The following CFAP206 variants were observed in gnomAD, a reference collection of about 807,000 sequenced individuals.
CFAP206 encodes the protein cilia and flagella associated protein 206.
In CFAP206, 53 loss-of-function variants were observed where a neutral mutation model predicts 65.4. The ratio of observed to expected loss-of-function variants is 0.81; its 90% CI spans 0.65 to 1.02. The LOEUF is 1.02. CFAP206 is among the 50% of genes least tolerant of loss of function. The probability of loss-of-function intolerance (pLI) is 0.00; values close to 1 mark genes in which losing one functional copy is unlikely to be tolerated. For synonymous variants in CFAP206, 250 were observed against 254.4 expected (o/e 0.98, Z 0.17); for missense variants, 663 against 753.2 (o/e 0.88, Z 1.40).
intron 7 of CFAP206, 34 bp from the exon 8 acceptor site, chr6:87,426,491 TA>T: frequency 6.8e-7 from 1 of 1,470,190 alleles, no homozygotes; most frequent in Non-Finnish European, 9.2e-7. Context: ...AGTAGAATTA[TA>T]AAAATATTAA....
At chr6:87,445,233 C>T (rs1226065077) in intron 11 of CFAP206, 1 of 271,218 alleles carries the variant, frequency 3.7e-6, no homozygotes, top group East Asian at 1.1e-4. Context: ...TTCCAGGATA[C>T]ATGTGCAGGA....
rs767217835 is a variant in CFAP206, at chr6:87,409,819, T to A, written c.-5-16T>A. On this transcript the variant is annotated splice_polypyrimidine_tract_variant and intron_variant, in intron 1 of 12. Coordinates refer to ENST00000369562, the MANE Select transcript of CFAP206 (RefSeq NM_001031743.3). ...AAAACCACGGTTTTTTTAAAAAAAA[T>A]TGTTGTTTTATTTAGCCAGAATGCC... The A allele has an allele frequency of 7.8e-6, 12 of 1,536,790 alleles. No homozygotes were observed. Among genetic ancestry groups the A allele is most frequent in the Admixed American group, 1.9e-5 (1 of 52,000 alleles).
chr6:87,416,560 A>G (rs973726469), intron 5 of CFAP206, 109 bp from the exon 6 acceptor site: 3 of 923,744 alleles, frequency 3.2e-6, no homozygotes, highest in Non-Finnish European at 4.7e-6. Flanking sequence ...AAAGAATCAT[A>G]TAAGTAACTC....
intron 11 of CFAP206, chr6:87,445,269 T>C: frequency 4.2e-6 from 1 of 240,804 alleles, no homozygotes; most frequent in South Asian, 4.9e-5. Context: ...CACAGGTAAA[T>C]GTGTGCTGAG....
At chr6:87,408,835 T>G (rs933835221) in intron 1 of CFAP206, 5 of 152,302 alleles carry the variant, frequency 3.3e-5, no homozygotes, top group Admixed American at 1.3e-4. Flanking sequence ...CTGGTTTCAC[T>G]GGACAAAATG....
At chr6:87,458,739 G>GGC (rs1473207391) in intron 11 of CFAP206, among the ~76,000 whole-genome samples, 2 of 152,080 alleles carry the variant, frequency 1.3e-5, no homozygotes, top group Non-Finnish European at 1.5e-5. Flanking sequence ...GTAAGATCTA[G>GGC]TATTTTATAG....
chr6:87,429,506 A>G (rs1185014899), intron 9 of CFAP206, among the ~76,000 whole-genome samples: 1 of 152,162 alleles, frequency 6.6e-6, no homozygotes, highest in African/African-American at 2.4e-5. Flanking sequence ...CCTCAGATTC[A>G]AGTTGGGAAT....
chr6:87,434,821 A>G, intron 10 of CFAP206, 39 bp from the exon 11 acceptor site: 4 of 1,112,242 alleles, frequency 3.6e-6, no homozygotes, highest in Non-Finnish European at 5.1e-6. Flanking sequence ...TTCATAAGTG[A>G]TCAAGACATT....
intron 9 of CFAP206, among the ~76,000 whole-genome samples, chr6:87,430,637 C>T (rs1336520060): frequency 2.0e-5 from 3 of 152,176 alleles, no homozygotes; most frequent in Non-Finnish European, 2.9e-5. Flanking sequence ...GGTCACATAG[C>T]AGCCAGTCTA....
At chr6:87,432,260 G>C (rs904212689) in intron 10 of CFAP206, among the ~76,000 whole-genome samples, 2 of 151,900 alleles carry the variant, frequency 1.3e-5, no homozygotes, top group Non-Finnish European at 2.9e-5. Context: ...ACACACAATT[G>C]GCTCATTTAA....
At chr6:87,460,205 T>C (rs1260892483) in intron 11 of CFAP206, among the ~76,000 whole-genome samples, 2 of 152,214 alleles carry the variant, frequency 1.3e-5, no homozygotes, top group East Asian at 3.8e-4. Context: ...AACAATGTCA[T>C]GTCCAGCACC....
chr6:87,432,445 C>T (rs554672552), intron 10 of CFAP206, among the ~76,000 whole-genome samples: 2 of 152,200 alleles, frequency 1.3e-5, no homozygotes, highest in South Asian at 4.2e-4. Flanking sequence ...CTCCTCCCTC[C>T]CTCTCTCCCT....
chr6:87,431,403 T>C lies in CFAP206; in HGVS notation c.1300+230T>C, dbSNP rs138668612. Among the ~76,000 whole-genome samples the C allele has an allele frequency of 2.6e-3, 401 of 152,322 alleles. 1 individual carries two copies. The highest frequency in any genetic ancestry group is 9.2e-3 in the African/African-American group (382 of 41,566). On this transcript the variant is annotated intron_variant, in intron 10 of 12. Transcript: ENST00000369562. ...AGTAATGGAAAGTGTATATGTGTTA[T>C]GAAATATGGATGCTGCAGTACCATT...
At chr6:87,438,670 C>T (rs1768314056) in intron 11 of CFAP206, among the ~76,000 whole-genome samples, 1 of 152,050 alleles carries the variant, frequency 6.6e-6, no homozygotes, top group Admixed American at 6.6e-5. Context: ...AAGAGCCCTT[C>T]CTTCATGGCC....
rs1018148693 is a variant in CFAP206 at position 87,461,149 on chromosome 6, G to C, written c.1622G>C (p.Arg541Thr). The change falls in exon 12 of 13, where the codon AGA becomes ACA. Residue 541 changes from arginine to threonine, a missense_variant. Physicochemically the swap from Arg to Thr is moderately conservative, Grantham distance 71. Coordinates refer to ENST00000369562, the MANE Select transcript of CFAP206 (RefSeq NM_001031743.3). Reference sequence around the variant, plus strand: ...GAGTGGAATGAATGGGAATTAAGAAGAAAAGCTATAAAATTGGTTTGTAAC... The same window carrying C: ...GAGTGGAATGAATGGGAATTAAGAACAAAAGCTATAAAATTGGTTTGTAAC... The part of the protein sequence containing the change: ...SYEWNEWELR[R>T]KAIKLANLRQ... The C allele has an allele frequency of 2.6e-6, 4 of 1,556,912 alleles. No homozygotes were observed. Among genetic ancestry groups the C allele is most frequent in the Non-Finnish European group, 3.4e-6 (4 of 1,160,080 alleles).
chr6:87,416,223 A>G (rs2127948046), intron 5 of CFAP206, among the ~76,000 whole-genome samples: 1 of 152,334 alleles, frequency 6.6e-6, no homozygotes, highest in East Asian at 1.9e-4. Flanking sequence ...TATTGATGAA[A>G]GAAATTGAGT....
chr6:87,427,325 G>A (rs1768060041), intron 8 of CFAP206, among the ~76,000 whole-genome samples: 1 of 151,986 alleles, frequency 6.6e-6, no homozygotes, highest in East Asian at 1.9e-4. Flanking sequence ...ATTTTTAGTA[G>A]GGACAGGATT....
At position 87,416,631 on chromosome 6, in the gene CFAP206, A is replaced by G. The variant is rs765042682; in HGVS notation, c.473-38A>G. On this transcript the variant is annotated intron_variant, in intron 5 of 12. Transcript: ENST00000369562. ...TAACGTCTGATATCTTTATTCTATC[A>G]TTTTGTTTTCCTTTTTTTTTTTTCT... The G allele has an allele frequency of 2.4e-5, 37 of 1,538,708 alleles. No homozygotes were observed. In the Middle Eastern group the frequency reaches 2.8e-3, roughly 115 times the overall value.
At chr6:87,411,754 A>G (rs1236808849) in intron 3 of CFAP206, among the ~76,000 whole-genome samples, 4 of 152,156 alleles carry the variant, frequency 2.6e-5, no homozygotes, top group East Asian at 1.9e-4. Flanking sequence ...TCCCAGCACC[A>G]TTTATTGAAT....
Sources: gnomAD v4.1 joint callset for allele counts (sites outside exome capture counted in the v4.1 genomes callset) on GRCh38, gnomAD v4.1.1 for gene constraint, MANE v1.5 for transcripts, NCBI Gene and HGNC (gene_info 2026-07-23, HGNC 2026-07-21) for gene names.